SLC8A1: variants seen among roughly 807,000 people sequenced by gnomAD.
SLC8A1 encodes the protein sodium/calcium exchanger 1.
In SLC8A1, 18 loss-of-function variants were observed where a neutral mutation model predicts 68.3. The ratio of observed to expected loss-of-function variants is 0.26; its 90% CI spans 0.18 to 0.39. The LOEUF is 0.39. Among genes scored for constraint, SLC8A1 ranks in the 10% least tolerant of loss-of-function variants. The probability of loss-of-function intolerance (pLI) is 1.00; values close to 1 mark genes in which losing one functional copy is unlikely to be tolerated. For missense variants in SLC8A1, 985 were observed against 1,156.7 expected (o/e 0.85, Z 2.15); for synonymous variants, 475 against 415.5 (o/e 1.14, Z -1.74).
chr2:40,137,028 CCAAA>C (rs2040632241), intron 7 of SLC8A1, among the ~76,000 whole-genome samples: 1 of 151,846 alleles, frequency 6.6e-6, no homozygotes, highest in African/African-American at 2.4e-5. Flanking sequence ...TGTATTTTCC[CCAAA>C]CAGATTTTCT....
intron 2 of SLC8A1, among the ~76,000 whole-genome samples, chr2:40,341,771 G>T (rs1308607810): frequency 6.6e-6 from 1 of 152,102 alleles, no homozygotes; most frequent in African/African-American, 2.4e-5. Flanking sequence ...AGTTACACTG[G>T]TTTTTTGCTG....
chr2:40,510,712 ACTCT>A (rs1309335163), intron 1 of SLC8A1, among the ~76,000 whole-genome samples: 1 of 151,928 alleles, frequency 6.6e-6, no homozygotes, highest in East Asian at 1.9e-4. Flanking sequence ...TCTCTTTCTA[ACTCT>A]CTCACAAATA....
intron 2 of SLC8A1, among the ~76,000 whole-genome samples, chr2:40,396,046 G>A (rs1277195279): frequency 1.3e-5 from 2 of 152,052 alleles, no homozygotes; most frequent in African/African-American, 2.4e-5. Context: ...AATGGGAAAG[G>A]GGTAAAAGGA....
At chr2:40,282,612 T>C (rs2067686813) in intron 2 of SLC8A1, among the ~76,000 whole-genome samples, 2 of 152,202 alleles carry the variant, frequency 1.3e-5, no homozygotes, top group South Asian at 4.1e-4. Context: ...ATCAGTTTCA[T>C]TTTTGCACGC....
intron 6 of SLC8A1, among the ~76,000 whole-genome samples, chr2:40,151,266 T>TAC (rs1296198035): frequency 1.9e-5 from 2 of 104,236 alleles, no homozygotes; most frequent in Non-Finnish European, 3.8e-5. Flanking sequence ...GTGTGTATGG[T>TAC]GCGTGTGTGT....
intron 2 of SLC8A1, among the ~76,000 whole-genome samples, chr2:40,286,546 G>C (rs1308677478): frequency 1.3e-5 from 2 of 152,166 alleles, no homozygotes; most frequent in Non-Finnish European, 2.9e-5. Context: ...AAAAGACTTG[G>C]CTTCACCTTA....
At chr2:40,495,946 A>G (rs906774167) in intron 1 of SLC8A1, among the ~76,000 whole-genome samples, 1 of 152,080 alleles carries the variant, frequency 6.6e-6, no homozygotes, top group Non-Finnish European at 1.5e-5. Context: ...GGCAACAAAA[A>G]ATTATCTATC....
At chr2:40,485,658 G>GTTTTATTCATT (rs1354053671) in intron 1 of SLC8A1, among the ~76,000 whole-genome samples, 38 of 152,156 alleles carry the variant, frequency 2.5e-4, no homozygotes, top group South Asian at 6.2e-4. Context: ...CACTAAAAAT[G>GTTTTATTCATT]GAATACTCTT....
At chr2:40,511,040 G>A (rs1706692577) in intron 1 of SLC8A1, among the ~76,000 whole-genome samples, 1 of 151,944 alleles carries the variant, frequency 6.6e-6, no homozygotes, top group African/African-American at 2.4e-5. Context: ...CATCTCCTTG[G>A]TCAGTATTAC....
exon 8 of SLC8A1, chr2:40,110,161 G>A (rs1451663524): frequency 6.6e-6 from 1 of 152,094 alleles, no homozygotes; most frequent in Non-Finnish European, 1.5e-5. Context: ...TTTCCTTTGG[G>A]AGTTCCACCT....
chr2:40,366,225 A>C (rs1438155492), intron 2 of SLC8A1, among the ~76,000 whole-genome samples: 3 of 152,078 alleles, frequency 2.0e-5, no homozygotes, highest in Non-Finnish European at 4.4e-5. Context: ...TATAGTATGC[A>C]CTCAACAATG....
At chr2:40,296,232 A>C (rs576568148) in intron 2 of SLC8A1, among the ~76,000 whole-genome samples, 3 of 152,302 alleles carry the variant, frequency 2.0e-5, no homozygotes, top group South Asian at 4.1e-4. Flanking sequence ...CATGCTAGAA[A>C]GTGCTTCGGT....
At chr2:40,174,234 A>ATTTATGAATTAAAATTTATGTGTT (rs2048063903) in intron 4 of SLC8A1, among the ~76,000 whole-genome samples, 2 of 152,032 alleles carry the variant, frequency 1.3e-5, no homozygotes, top group South Asian at 4.1e-4. Context: ...TACATACATA[A>ATTTATGAATTAAAATTTATGTGTT]TTTATGAATT....
chr2:40,192,977 G>A (rs2052184199), intron 2 of SLC8A1, among the ~76,000 whole-genome samples: 2 of 152,208 alleles, frequency 1.3e-5, no homozygotes, highest in African/African-American at 4.8e-5. Flanking sequence ...CCACGGGATA[G>A]GACAGCATTA....
intron 2 of SLC8A1, among the ~76,000 whole-genome samples, chr2:40,309,249 C>A (rs975973263): frequency 6.6e-6 from 1 of 152,116 alleles, no homozygotes; most frequent in African/African-American, 2.4e-5. Flanking sequence ...GCAGGAGCTG[C>A]ATTTTCAACA....
At chr2:40,360,890 T>C (rs74604395) in intron 2 of SLC8A1, among the ~76,000 whole-genome samples, 3,214 of 152,144 alleles carry the variant, frequency 0.021, 48 homozygotes, top group African/African-American at 0.037. Context: ...TCCTTGTAAA[T>C]CTAGAAAATC....
At chr2:40,253,039 C>CTGT (rs375654890) in intron 2 of SLC8A1, among the ~76,000 whole-genome samples, 33,734 of 84,462 alleles carry the variant, frequency 0.4, 5,511 homozygotes, top group Non-Finnish European at 0.51. Context: ...ACATATGTAT[C>CTGT]AGTATATGTA....
intron 2 of SLC8A1, among the ~76,000 whole-genome samples, chr2:40,307,146 T>TATACACACAC (rs1553490522): frequency 4.9e-4 from 73 of 148,284 alleles, no homozygotes; most frequent in Non-Finnish European, 9.6e-4. Context: ...AAATGTGATA[T>TATACACACAC]ACACACACAC....
intron 7 of SLC8A1, among the ~76,000 whole-genome samples, chr2:40,127,734 G>T (rs1000956231): frequency 2.6e-5 from 4 of 152,158 alleles, no homozygotes; most frequent in South Asian, 4.1e-4. Context: ...ATGCCAAAAA[G>T]TCCCCTGGGC....
Sources: allele counts gnomAD v4.1 joint callset (sites outside exome capture counted in the v4.1 genomes callset), GRCh38; gene constraint gnomAD v4.1.1; transcripts MANE v1.5; gene names NCBI Gene and HGNC (gene_info 2026-07-23, HGNC 2026-07-21).